Variants in LHPP observed in about 807,000 individuals in gnomAD.
LHPP encodes phospholysine phosphohistidine inorganic pyrophosphate phosphatase, also known as hLHPP.
Under a neutral mutation model 30.3 loss-of-function variants are expected in LHPP, and 24 were observed. The observed-to-expected ratio is 0.79, with a 90% CI of 0.57 to 1.11. The LOEUF (loss-of-function observed/expected upper bound fraction) is 1.11, where lower values mean the gene tolerates loss of function less well. LHPP is among the 50% of genes most tolerant of loss of function. LHPP has a pLI of 0.00. For missense variants in LHPP, 356 were observed against 367.2 expected, an observed-to-expected ratio of 0.97 and a Z score of 0.25; for synonymous variants, 150 against 157.1, an observed-to-expected ratio of 0.95 and a Z score of 0.34.
rs777595061 is a variant in LHPP, at chr10:124,593,416, A to G, written c.717-19848A>G. On this transcript the variant is annotated intron_variant, in intron 6 of 6. Coordinates refer to ENST00000368842, the MANE Select transcript of LHPP (RefSeq NM_022126.4). The surrounding 1 kb of genome is among the most constrained non-coding windows in gnomAD (Gnocchi z 4.9). ...TCAGTTTCCACACCTGAGATGGGAG[A>G]GGTTGCATCCTAAAGGCCCTCCATC... Among the ~76,000 whole-genome samples the G allele has an allele frequency of 6.6e-6, 1 of 152,036 alleles. No homozygotes were observed. The highest frequency in any genetic ancestry group is 6.5e-5 in the Admixed American group (1 of 15,280).
chr10:124,567,016 C>G (rs1948502309), intron 6 of LHPP, among the ~76,000 whole-genome samples: 1 of 152,218 alleles, frequency 6.6e-6, no homozygotes, highest in East Asian at 1.9e-4. Context: ...GCAGGCCCTG[C>G]TCAGCCTGCA....
At chr10:124,483,243 T>C (rs1564777547) in intron 1 of LHPP, among the ~76,000 whole-genome samples, 1 of 152,172 alleles carries the variant, frequency 6.6e-6, no homozygotes, top group Non-Finnish European at 1.5e-5. Flanking sequence ...CTTTCTCCAT[T>C]GACAGTGATG....
At chr10:124,613,090 T>C in intron 6 of LHPP, 174 bp from the exon 7 acceptor site, 1 of 636,130 alleles carries the variant, frequency 1.6e-6, no homozygotes. Flanking sequence ...CATGTGTGCC[T>C]GAGTAGGGCA....
chr10:124,488,468 TG>T lies in LHPP; in HGVS notation c.361del (p.Val121TrpfsTer2). 6.2e-7 allele frequency: 1 copy of T among 1,614,018 alleles called. No individual in the cohort carries two copies. The highest frequency in any genetic ancestry group is 8.5e-7 in the Non-Finnish European group (1 of 1,179,984). ...AGATCGACACATCCAACCCAAACTG[TG>T]TGGTAATTGCAGACGCAGGAGAAAG... Reference protein sequence around the residue: ...DQIDTSNPNCVVIADAGESFS... With the variant: ...DQIDTSNPNCXVIADAGESFS... On this transcript the variant is annotated frameshift_variant, in exon 3 of 7. Coordinates refer to ENST00000368842, the MANE Select transcript of LHPP (RefSeq NM_022126.4). LOFTEE classifies it high-confidence loss of function.
chr10:124,563,619 T>A (rs1948439992), intron 6 of LHPP, among the ~76,000 whole-genome samples: 3 of 152,226 alleles, frequency 2.0e-5, no homozygotes, highest in Non-Finnish European at 4.4e-5. Flanking sequence ...ACTTTGATAT[T>A]GTTCTATAGT....
chr10:124,558,661 G>A (rs1426860852), intron 6 of LHPP, among the ~76,000 whole-genome samples: 1 of 152,196 alleles, frequency 6.6e-6, no homozygotes, highest in Non-Finnish European at 1.5e-5. Context: ...ACCCCCCATG[G>A]CACCCCCAAT....
chr10:124,576,943 A>G lies in LHPP; in HGVS notation c.717-36321A>G, dbSNP rs1948671163. On this transcript the variant is annotated intron_variant, in intron 6 of 6. Coordinates refer to ENST00000368842, the MANE Select transcript of LHPP (RefSeq NM_022126.4). The surrounding 1 kb of genome is among the most constrained non-coding windows in gnomAD (Gnocchi z 4.2). ...CCGCCATGATCCTGAGTGCACAGGT[A>G]CATTGCTCCGCCCTCTCAACAGCCA... Among the ~76,000 whole-genome samples, 1 of 152,196 alleles carries G rather than the reference A, an allele frequency of 6.6e-6. No individual in the cohort carries two copies.
intron 5 of LHPP, among the ~76,000 whole-genome samples, chr10:124,506,939 GGGGGGTAGGGAGGATTTCAGGTGGGC>G (rs1954110045): frequency 7.3e-5 from 2 of 27,262 alleles, no homozygotes; most frequent in African/African-American, 2.7e-4. Flanking sequence ...ATTTCAGGTG[GGGGGGTAGGGAGGATTTCAGGTGGGC>G]GGGTAGACAG....
At chr10:124,512,651 G>C (rs773026505) in intron 5 of LHPP, among the ~76,000 whole-genome samples, 1 of 148,700 alleles carries the variant, frequency 6.7e-6, no homozygotes, top group Non-Finnish European at 1.5e-5. Flanking sequence ...TTTAGGTAAT[G>C]TATTATGTCC....
intron 1 of LHPP, among the ~76,000 whole-genome samples, chr10:124,468,096 C>T (rs1952613788): frequency 1.3e-5 from 2 of 152,182 alleles, no homozygotes; most frequent in African/African-American, 4.8e-5. Context: ...GGAAATGTCA[C>T]AGGCTTCTCT....
chr10:124,513,574 T>C, intron 5 of LHPP, among the ~76,000 whole-genome samples: 1 of 146,860 alleles, frequency 6.8e-6, no homozygotes, highest in Non-Finnish European at 1.5e-5. Context: ...AAGCAATTCG[T>C]GTGCCTCAGC....
intron 6 of LHPP, among the ~76,000 whole-genome samples, chr10:124,600,446 G>T (rs929815002): frequency 6.6e-6 from 1 of 152,266 alleles, no homozygotes. Flanking sequence ...CTGGGTGTTG[G>T]CCTGGGTGGG....
intron 6 of LHPP, among the ~76,000 whole-genome samples, chr10:124,600,255 G>T (rs1023778245): frequency 6.6e-6 from 1 of 152,240 alleles, no homozygotes; most frequent in Non-Finnish European, 1.5e-5. Context: ...GTTTGGCGCA[G>T]CCCCGGCTTC....
At chr10:124,484,389 T>C (rs947035692) in intron 2 of LHPP, 63 bp downstream of exon 2, 33 of 1,484,984 alleles carry the variant, frequency 2.2e-5, no homozygotes, top group Non-Finnish European at 2.6e-5. Context: ...GGGTGGGGGC[T>C]GTGCAGAGAG....
chr10:124,570,569 C>T (rs1264308224), intron 6 of LHPP, among the ~76,000 whole-genome samples: 8 of 152,292 alleles, frequency 5.3e-5, no homozygotes, highest in Middle Eastern at 6.8e-3. Flanking sequence ...ACCTCTAATT[C>T]CAGAATATTC....
chr10:124,556,700 G>A (rs1447600762), intron 6 of LHPP, among the ~76,000 whole-genome samples: 1 of 152,222 alleles, frequency 6.6e-6, no homozygotes, highest in Non-Finnish European at 1.5e-5. Context: ...AGGACTAGCA[G>A]TGTCATTTTT....
rs1949177804 is a variant in LHPP at position 124,610,816 on chromosome 10, AGCGG to A, written c.717-2446_717-2443del. On this transcript the variant is annotated intron_variant, in intron 6 of 6. Coordinates refer to ENST00000368842, the MANE Select transcript of LHPP (RefSeq NM_022126.4). ...AGGGTGCGGGTGAGGGTGCTGATGG[AGCGG>A]GTGAGGGTGAGGGTGAGGGTGAGGG... Among the ~76,000 whole-genome samples, 6 of 30,332 alleles carry A rather than the reference AGCGG, an allele frequency of 2.0e-4. No individual in the cohort carries two copies. The South Asian group carries it at 5.5e-3, about 28-fold the overall frequency. 19.9% of individuals were successfully genotyped at this position (30,332 alleles called of 152,430 possible).
intron 1 of LHPP, among the ~76,000 whole-genome samples, chr10:124,476,681 G>A (rs1952958202): frequency 6.6e-6 from 1 of 152,256 alleles, no homozygotes; most frequent in East Asian, 1.9e-4. Flanking sequence ...GGGCGTCCCC[G>A]GGGCATATGT....
At chr10:124,484,085 G>A in intron 1 of LHPP, 54 bp from the exon 2 acceptor site, 1 of 1,564,270 alleles carries the variant, frequency 6.4e-7, no homozygotes, top group Non-Finnish European at 8.7e-7. Context: ...ACCTCCTTCA[G>A]AGGCCCAACA....
Sources: gnomAD v4.1 joint callset for allele counts (sites outside exome capture counted in the v4.1 genomes callset) on GRCh38, gnomAD v4.1.1 for gene constraint, Gnocchi (gnomAD v3.1) non-coding constraint, MANE v1.5 for transcripts, NCBI Gene and HGNC (gene_info 2026-07-23, HGNC 2026-07-21) for gene names.